FA2H: variants seen among roughly 807,000 people sequenced by gnomAD.
FA2H encodes fatty acid 2-hydroxylase.
In FA2H, 22 loss-of-function variants were observed where a neutral mutation model predicts 44.9. That is an observed-to-expected ratio of 0.49 (90% CI 0.35 to 0.70). The LOEUF (loss-of-function observed/expected upper bound fraction) is 0.70. FA2H is among the 30% of genes least tolerant of loss of function. The pLI is 0.01. For missense variants in FA2H, 501 were observed against 504.9 expected, an observed-to-expected ratio of 0.99 and a Z score of 0.07; for synonymous variants, 243 against 213.2, an observed-to-expected ratio of 1.14 and a Z score of -1.22.
At chr16:74,740,206 G>C (rs1017481265) in intron 1 of FA2H, 91 bp from the exon 2 acceptor site, 63 of 1,023,090 alleles carry the variant, frequency 6.2e-5, no homozygotes, top group Non-Finnish European at 7.7e-6. Context: ...AGCCAGGAGT[G>C]GTGAGAGCCC....
intron 4 of FA2H, among the ~76,000 whole-genome samples, chr16:74,720,576 T>A (rs1961813738): frequency 6.6e-6 from 1 of 152,148 alleles, no homozygotes; most frequent in Admixed American, 6.6e-5. Context: ...AACGGCTTTA[T>A]CTAAATCTAA....
intron 1 of FA2H, among the ~76,000 whole-genome samples, chr16:74,750,307 C>G (rs921803148): frequency 6.6e-6 from 1 of 152,186 alleles, no homozygotes; most frequent in Non-Finnish European, 1.5e-5. Context: ...TTGCACAACA[C>G]TCCAATCTAA....
At chr16:74,752,843 TCCA>T in intron 1 of FA2H, among the ~76,000 whole-genome samples, 1 of 152,232 alleles carries the variant, frequency 6.6e-6, no homozygotes, top group East Asian at 1.9e-4. Context: ...GCTGCACCTG[TCCA>T]GGTGAAGATG....
At position 74,713,811 on chromosome 16, in the gene FA2H, C is replaced by T; in HGVS notation, c.*379G>A. On this transcript the variant is annotated 3_prime_UTR_variant, in exon 7 of 7. Coordinates refer to ENST00000219368, the MANE Select transcript of FA2H (RefSeq NM_024306.5). ...AGCGAGCTGTGCCGTGCAGGCAGCTCCTAGGCAGCCCATGAGGCTAAGGCA... is the reference window on the plus strand; with the variant it reads ...AGCGAGCTGTGCCGTGCAGGCAGCTTCTAGGCAGCCCATGAGGCTAAGGCA... 1 of 242,076 alleles carries T rather than the reference C, an allele frequency of 4.1e-6. No individual in the cohort carries two copies. The highest frequency in any genetic ancestry group is 8.2e-6 in the Non-Finnish European group (1 of 121,716). The allele number at this position is 242,076 out of a possible 1,614,324, so 15.0% of individuals were successfully genotyped here.
chr16:74,720,959 C>T (rs536697681), intron 4 of FA2H, among the ~76,000 whole-genome samples: 19 of 152,298 alleles, frequency 1.2e-4, no homozygotes, highest in African/African-American at 4.3e-4. Context: ...TTCATCCATC[C>T]ATCAGTTGAG....
At chr16:74,750,549 G>C (rs560727330) in intron 1 of FA2H, among the ~76,000 whole-genome samples, 4 of 152,196 alleles carry the variant, frequency 2.6e-5, no homozygotes, top group Non-Finnish European at 5.9e-5. Context: ...CAAACAACAA[G>C]AGCAGCAACA....
At chr16:74,716,811 A>C in intron 5 of FA2H, 1 of 545,280 alleles carries the variant, frequency 1.8e-6, no homozygotes, top group Non-Finnish European at 3.2e-6. Flanking sequence ...CCAGGAAGGG[A>C]CCTGGCAGAT....
intron 2 of FA2H, among the ~76,000 whole-genome samples, chr16:74,738,404 G>A (rs377346447): frequency 6.6e-6 from 1 of 152,130 alleles, no homozygotes; most frequent in African/African-American, 2.4e-5. Context: ...TGATGGGGCC[G>A]GGGTCAGCCC....
intron 6 of FA2H, among the ~76,000 whole-genome samples, chr16:74,714,892 A>G (rs1961660531): frequency 6.9e-6 from 1 of 144,764 alleles, no homozygotes; most frequent in Non-Finnish European, 1.5e-5. Context: ...GCTGGAGTGC[A>G]CTGGTGTGAT....
chr16:74,746,704 C>T (rs939986147), intron 1 of FA2H, among the ~76,000 whole-genome samples: 1 of 152,172 alleles, frequency 6.6e-6, no homozygotes, highest in Admixed American at 6.5e-5. Flanking sequence ...CCCTGGGATG[C>T]CCTGTCCACT....
intron 1 of FA2H, among the ~76,000 whole-genome samples, chr16:74,755,650 A>G (rs1412672110): frequency 6.6e-6 from 1 of 152,206 alleles, no homozygotes; most frequent in Non-Finnish European, 1.5e-5. Flanking sequence ...GAAAATTTCA[A>G]ACATACAGCA....
rs1233771284 is a variant in FA2H, at chr16:74,713,124, G to A, written c.*1066C>T. The A allele has an allele frequency of 1.3e-5, 2 of 152,590 alleles. No homozygotes were observed. Among genetic ancestry groups the A allele is most frequent in the Non-Finnish European group, 2.9e-5 (2 of 68,034 alleles). 9.5% of individuals were successfully genotyped at this position (152,590 alleles called of 1,614,324 possible). A position where few individuals can be genotyped will look rare whatever the true frequency, so the allele number is the denominator to read the frequency against. On this transcript the variant is annotated 3_prime_UTR_variant, in exon 7 of 7. Coordinates refer to ENST00000219368, the MANE Select transcript of FA2H (RefSeq NM_024306.5). ...CTTCTCTTTAGCCTTTACACTTGGC[G>A]AGTTTTTTAAGTTTCAAGTAGTAAT...
chr16:74,717,830 G>A (rs76400275), intron 5 of FA2H, among the ~76,000 whole-genome samples: 4,526 of 152,300 alleles, frequency 0.03, 236 homozygotes, highest in African/African-American at 0.1. Flanking sequence ...AGGTTCTGGT[G>A]TCCCCTGTGG....
chr16:74,715,815 C>CTTTTTTTT (rs536329308), intron 6 of FA2H, among the ~76,000 whole-genome samples: 3 of 136,364 alleles, frequency 2.2e-5, no homozygotes, highest in African/African-American at 8.1e-5. Flanking sequence ...TCTTCTTCTT[C>CTTTTTTTT]TTTTTTTTTT....
At chr16:74,765,846 C>T (rs1321230104) in intron 1 of FA2H, among the ~76,000 whole-genome samples, 1 of 152,088 alleles carries the variant, frequency 6.6e-6, no homozygotes, top group Non-Finnish European at 1.5e-5. Context: ...GAGCCCATAC[C>T]CAGAGCATTC....
At chr16:74,728,770 TTATC>T (rs1962008886) in intron 2 of FA2H, among the ~76,000 whole-genome samples, 1 of 150,652 alleles carries the variant, frequency 6.6e-6, no homozygotes, top group African/African-American at 2.5e-5. Context: ...TGTAATATAT[TTATC>T]TCTTTCTTTT....
chr16:74,734,858 C>G (rs1357318571), intron 2 of FA2H, among the ~76,000 whole-genome samples: 1 of 152,216 alleles, frequency 6.6e-6, no homozygotes, highest in African/African-American at 2.4e-5. Flanking sequence ...CTCACCCCCA[C>G]AGCGATGAGC....
intron 4 of FA2H, among the ~76,000 whole-genome samples, chr16:74,724,636 G>C (rs1315089329): frequency 6.6e-6 from 1 of 152,180 alleles, no homozygotes; most frequent in Non-Finnish European, 1.5e-5. Context: ...CAAGCTGGGG[G>C]CTGAGGGAGG....
At chr16:74,754,106 T>C (rs1962574861) in intron 1 of FA2H, among the ~76,000 whole-genome samples, 1 of 152,206 alleles carries the variant, frequency 6.6e-6, no homozygotes, top group Non-Finnish European at 1.5e-5. Context: ...TAATAATAAC[T>C]GTATTGGGGC....
Sources: gnomAD v4.1 joint callset for allele counts (sites outside exome capture counted in the v4.1 genomes callset) on GRCh38, gnomAD v4.1.1 for gene constraint, MANE v1.5 for transcripts, NCBI Gene and HGNC (gene_info 2026-07-23, HGNC 2026-07-21) for gene names.